The following KIF26B variants were observed in gnomAD, a reference collection of about 807,000 sequenced individuals.
The protein encoded by KIF26B is kinesin-like protein KIF26B.
In KIF26B, 63 loss-of-function variants were observed where a neutral mutation model predicts 151.2. The ratio of observed to expected loss-of-function variants is 0.42; its 90% CI spans 0.34 to 0.51. The LOEUF (loss-of-function observed/expected upper bound fraction) is 0.51, where lower values mean the gene tolerates loss of function less well. KIF26B is among the 20% of genes least tolerant of loss of function. The pLI is 0.07. For missense variants in KIF26B, 2,813 were observed against 2,913.6 expected (o/e 0.97, Z 0.79); for synonymous variants, 1,357 against 1,262.1 (o/e 1.08, Z -1.59).
In KIF26B at chr1:245,520,838, G is replaced by A. The variant is rs145670160; in HGVS notation, c.1167-19929G>A. 5.6e-4 allele frequency among the ~76,000 whole-genome samples: 86 copies of A among 152,244 alleles called. 2 individuals carry two copies. The East Asian group carries it at 0.016, about 29-fold the overall frequency. On this transcript the variant is annotated intron_variant, in intron 4 of 14. Coordinates refer to ENST00000407071, the MANE Select transcript of KIF26B (RefSeq NM_018012.4). ...GCCCGGACCACATGCCTTTCCCTTA[G>A]GGAACATTGTAGGATGAATGTTCCC...
rs1340957 is a variant in KIF26B, at chr1:245,625,295, G to A, written c.2098+13319G>A. Among the ~76,000 whole-genome samples, 130 of 152,138 alleles carry A rather than the reference G, an allele frequency of 8.5e-4. 2 individuals are homozygous for A. Among genetic ancestry groups the A allele is most frequent in the African/African-American group, 1.8e-3 (74 of 41,516 alleles). On this transcript the variant is annotated intron_variant, in intron 9 of 14. Coordinates refer to ENST00000407071, the MANE Select transcript of KIF26B (RefSeq NM_018012.4). ...TAGAGTCGCTTTCTAAATGGATTAC[G>A]TAGAAAAAATTTCTATCAAAGAAGT...
chr1:245,228,123 G>T (rs1054200193), intron 2 of KIF26B, among the ~76,000 whole-genome samples: 3 of 152,190 alleles, frequency 2.0e-5, no homozygotes, highest in Non-Finnish European at 4.4e-5. Flanking sequence ...TTATAACATG[G>T]ATTCTGTAGC....
chr1:245,568,044 G>C (rs187226046), intron 5 of KIF26B, among the ~76,000 whole-genome samples: 3 of 151,650 alleles, frequency 2.0e-5, no homozygotes, highest in Non-Finnish European at 4.4e-5. Flanking sequence ...AAATAGCCGG[G>C]GTTAATCCCA....
At position 245,686,084 on chromosome 1, in the gene KIF26B, C is replaced by T. The variant is rs2044513094; in HGVS notation, c.3101C>T (p.Ala1034Val). Reference sequence around the variant, plus strand: ...CCGGGCAGCAGTAGCCAGCACAGCGCCTCCCCACTCGTGCAGAGCCCCAGC... The same window carrying T: ...CCGGGCAGCAGTAGCCAGCACAGCGTCTCCCCACTCGTGCAGAGCCCCAGC... Reference protein sequence around the residue: ...SVPGSSSQHSASPLVQSPSLQ... With the variant: ...SVPGSSSQHSVSPLVQSPSLQ... Residue 1034 changes from alanine to valine, a missense_variant, in exon 12 of 15, where the codon GCC becomes GTC. This residue lies in a region of KIF26B where 2,060 missense variants were observed against 2,088.6 expected (regional missense o/e 0.99). Coordinates refer to ENST00000407071, the MANE Select transcript of KIF26B (RefSeq NM_018012.4). The surrounding 1 kb of genome is among the most constrained non-coding windows in gnomAD (Gnocchi z 5.6). 6.2e-7 allele frequency: 1 copy of T among 1,603,084 alleles called. No homozygotes were observed. The highest frequency in any genetic ancestry group is 8.5e-7 in the Non-Finnish European group (1 of 1,175,442).
At chr1:245,226,415 G>A (rs1308575622) in intron 2 of KIF26B, among the ~76,000 whole-genome samples, 7 of 151,994 alleles carry the variant, frequency 4.6e-5, no homozygotes, top group African/African-American at 1.7e-4. Flanking sequence ...ATTTGTGTTG[G>A]GCATCTCAGC....
At chr1:245,660,096 C>T (rs1249743871) in intron 10 of KIF26B, among the ~76,000 whole-genome samples, 3 of 151,616 alleles carry the variant, frequency 2.0e-5, no homozygotes, top group Admixed American at 6.6e-5. Flanking sequence ...TTTTCTATGG[C>T]AATAATAATA....
intron 2 of KIF26B, among the ~76,000 whole-genome samples, chr1:245,319,910 C>T (rs189359503): frequency 1.5e-4 from 23 of 152,286 alleles, no homozygotes; most frequent in African/African-American, 5.3e-4. Context: ...GGATTCCTTA[C>T]GTGCGAATGA....
chr1:245,637,383 A>G (rs1050195978), intron 9 of KIF26B, among the ~76,000 whole-genome samples: 2 of 151,738 alleles, frequency 1.3e-5, no homozygotes, highest in Non-Finnish European at 2.9e-5. Flanking sequence ...TGGCCCATTG[A>G]GTTGTTTGAA....
chr1:245,446,127 A>G (rs1420420537), intron 4 of KIF26B, among the ~76,000 whole-genome samples: 1 of 152,208 alleles, frequency 6.6e-6, no homozygotes, highest in Non-Finnish European at 1.5e-5. Flanking sequence ...CACCTCAGCT[A>G]TATGATGTAG....
intron 9 of KIF26B, among the ~76,000 whole-genome samples, chr1:245,627,657 G>A (rs951922170): frequency 4.0e-5 from 6 of 151,762 alleles, no homozygotes; most frequent in Admixed American, 3.3e-4. Flanking sequence ...AGTTGGAGAT[G>A]CGAAAAACCC....
rs150815069 is a variant in KIF26B, at chr1:245,543,198, C to T, written c.1350+2248C>T. The stretch of plus-strand genomic sequence containing the variant: ...TTCTGAGACAAGGACATCAGGGTGC[C>T]AAGGCCAGGGACCAAAACAGCAGAA... On this transcript the variant is annotated intron_variant, in intron 5 of 14. Transcript: ENST00000407071. Among the ~76,000 whole-genome samples the T allele has an allele frequency of 4.3e-4, 65 of 152,222 alleles. 1 individual carries two copies. The highest frequency in any genetic ancestry group is 1.5e-3 in the African/African-American group (63 of 41,548).
intron 2 of KIF26B, among the ~76,000 whole-genome samples, chr1:245,169,362 T>C (rs190668215): frequency 1.4e-4 from 21 of 151,090 alleles, no homozygotes; most frequent in African/African-American, 2.9e-4. Flanking sequence ...TGTGTGTGTG[T>C]GCGCGCAAGC....
chr1:245,603,692 A>C (rs1454823121), intron 6 of KIF26B, among the ~76,000 whole-genome samples: 1 of 152,054 alleles, frequency 6.6e-6, no homozygotes, highest in Non-Finnish European at 1.5e-5. Flanking sequence ...AGTTTCCAGG[A>C]CCCATGCATG....
rs1424369094 is a variant in KIF26B at position 245,375,044 on chromosome 1, G to A, written c.999+7677G>A. Among the ~76,000 whole-genome samples, 3 of 152,190 alleles carry A rather than the reference G, an allele frequency of 2.0e-5. No homozygotes were observed. In the East Asian group the frequency reaches 5.8e-4, roughly 29 times the overall value. On this transcript the variant is annotated intron_variant, in intron 3 of 14. Transcript: ENST00000407071. This position sits in a 1 kb window ranked among gnomAD's most constrained non-coding sequence, Gnocchi z 4.2. Reference sequence around the variant, plus strand: ...ACATGGTAAAAGGGCCTCAGCAGATGTGATTAAGCCAAGGATCTTGAGATG... The same window carrying A: ...ACATGGTAAAAGGGCCTCAGCAGATATGATTAAGCCAAGGATCTTGAGATG...
At chr1:245,276,067 C>A (rs1482594627) in intron 2 of KIF26B, among the ~76,000 whole-genome samples, 1 of 152,120 alleles carries the variant, frequency 6.6e-6, no homozygotes, top group African/African-American at 2.4e-5. Context: ...CTGGGCCAAG[C>A]ACGGTGGCTC....
intron 4 of KIF26B, among the ~76,000 whole-genome samples, chr1:245,479,477 T>TG (rs1558182583): frequency 2.6e-5 from 4 of 151,966 alleles, no homozygotes; most frequent in African/African-American, 9.6e-5. Flanking sequence ...TTCAGAGTTT[T>TG]TTTGTTGTTG....
At chr1:245,403,678 C>T (rs1674064025) in intron 3 of KIF26B, among the ~76,000 whole-genome samples, 1 of 152,138 alleles carries the variant, frequency 6.6e-6, no homozygotes, top group South Asian at 2.1e-4. Context: ...GGAAAAAAAC[C>T]TCTACTAAAT....
At chr1:245,199,554 C>T (rs1370845490) in intron 2 of KIF26B, among the ~76,000 whole-genome samples, 2 of 151,722 alleles carry the variant, frequency 1.3e-5, no homozygotes, top group Non-Finnish European at 2.9e-5. Flanking sequence ...TCTTGGCTCA[C>T]TGCAACCTCC....
chr1:245,364,106 C>T (rs542559068), intron 2 of KIF26B, among the ~76,000 whole-genome samples: 2 of 152,278 alleles, frequency 1.3e-5, no homozygotes, highest in South Asian at 2.1e-4. Flanking sequence ...TCTCAGAGAA[C>T]GGGTGTTGTT....
Sources: gnomAD v4.1 joint callset for allele counts (sites outside exome capture counted in the v4.1 genomes callset) on GRCh38, gnomAD v4.1.1 for gene constraint, gnomAD v4.1.1 regional missense constraint, Gnocchi (gnomAD v3.1) non-coding constraint, MANE v1.5 for transcripts, NCBI Gene and HGNC (gene_info 2026-07-23, HGNC 2026-07-21) for gene names.